The following MAGI2 variants were observed in gnomAD, a reference collection of about 807,000 sequenced individuals.
The protein encoded by MAGI2 is membrane-associated guanylate kinase, WW and PDZ domain-containing protein 2.
Under a neutral mutation model 133.3 loss-of-function variants are expected in MAGI2, and 35 were observed. The ratio of observed to expected loss-of-function variants is 0.26; its 90% CI spans 0.20 to 0.35. The LOEUF is 0.35. Ranked by LOEUF, MAGI2 falls within the 10% of genes least tolerant of loss-of-function variation. MAGI2 has a pLI of 1.00. For synonymous variants in MAGI2, 729 were observed against 710.6 expected (o/e 1.03, Z -0.41); for missense variants, 1,636 against 1,863.4 (o/e 0.88, Z 2.25).
At chr7:78,700,923 TAA>T (rs1353967279) in intron 2 of MAGI2, among the ~76,000 whole-genome samples, 6 of 150,414 alleles carry the variant, frequency 4.0e-5, no homozygotes, top group African/African-American at 1.2e-4. Flanking sequence ...TAAATTTAAA[TAA>T]ATTTAGTATA....
At chr7:78,809,648 T>C (rs1788874762) in intron 2 of MAGI2, among the ~76,000 whole-genome samples, 1 of 152,044 alleles carries the variant, frequency 6.6e-6, no homozygotes, top group African/African-American at 2.4e-5. Flanking sequence ...TTTTTTTTCC[T>C]ATTACTAAAT....
chr7:79,445,796 C>T (rs951109961), intron 1 of MAGI2, among the ~76,000 whole-genome samples: 4 of 152,286 alleles, frequency 2.6e-5, no homozygotes, highest in Non-Finnish European at 4.4e-5. Flanking sequence ...TACCATTTGG[C>T]CCAGCCATCC....
At chr7:78,390,773 C>G (rs995627362) in intron 6 of MAGI2, among the ~76,000 whole-genome samples, 2 of 152,106 alleles carry the variant, frequency 1.3e-5, no homozygotes, top group Admixed American at 1.3e-4. Flanking sequence ...CCTGCCTCAC[C>G]TCAGTTATTT....
At chr7:78,582,844 A>G (rs1299234861) in intron 3 of MAGI2, among the ~76,000 whole-genome samples, 1 of 152,192 alleles carries the variant, frequency 6.6e-6, no homozygotes, top group African/African-American at 2.4e-5. Flanking sequence ...ACCTGATTTA[A>G]TACTTTAGAA....
intron 5 of MAGI2, among the ~76,000 whole-genome samples, chr7:78,494,060 T>A (rs1793869082): frequency 6.6e-6 from 1 of 152,066 alleles, no homozygotes; most frequent in Non-Finnish European, 1.5e-5. Context: ...CACTGCCACC[T>A]CCACCCCCTG....
intron 20 of MAGI2, among the ~76,000 whole-genome samples, chr7:78,119,618 A>G (rs948376298): frequency 2.0e-5 from 3 of 151,726 alleles, no homozygotes; most frequent in African/African-American, 2.4e-5. Context: ...CATACTGTAA[A>G]CTATGGACTC....
At chr7:78,858,463 A>T (rs907772157) in intron 2 of MAGI2, among the ~76,000 whole-genome samples, 2 of 152,032 alleles carry the variant, frequency 1.3e-5, no homozygotes, top group African/African-American at 4.8e-5. Context: ...CTTTGTTCTC[A>T]TTGGTTTCAA....
chr7:78,040,182 C>T (rs1810653421), intron 21 of MAGI2, among the ~76,000 whole-genome samples: 1 of 152,216 alleles, frequency 6.6e-6, no homozygotes, highest in African/African-American at 2.4e-5. Flanking sequence ...TCTTGGGGCG[C>T]CCCTCTGGGG....
intron 2 of MAGI2, among the ~76,000 whole-genome samples, chr7:78,920,031 A>G (rs184416799): frequency 2.8e-4 from 43 of 152,218 alleles, no homozygotes; most frequent in African/African-American, 9.9e-4. Flanking sequence ...ATTGCTTCCA[A>G]CATTGGGCAA....
chr7:78,891,870 T>C (rs566083793), intron 2 of MAGI2, among the ~76,000 whole-genome samples: 20 of 152,286 alleles, frequency 1.3e-4, no homozygotes, highest in African/African-American at 4.3e-4. Flanking sequence ...TGTTGGAAGT[T>C]CTGGCCAGGG....
At chr7:78,136,608 C>G (rs576112867) in intron 16 of MAGI2, among the ~76,000 whole-genome samples, 1 of 152,284 alleles carries the variant, frequency 6.6e-6, no homozygotes, top group Non-Finnish European at 1.5e-5. Flanking sequence ...GAAGCCTATT[C>G]CCTTTCCATT....
Position 78,114,341 on chromosome 7 carries a change from A to G in MAGI2, c.3567+11353T>C, listed in dbSNP as rs1222224795. 7.9e-5 allele frequency among the ~76,000 whole-genome samples: 12 copies of G among 152,336 alleles called. 1 individual carries two copies. The highest frequency in any genetic ancestry group is 2.6e-4 in the African/African-American group (11 of 41,584). ...CTGGAGTCCTCAAACAGATAAACTC[A>G]CCAATGGGTATATAACACTGTTTTA... On this transcript the variant is annotated intron_variant, in intron 20 of 21. Coordinates refer to ENST00000354212, the MANE Select transcript of MAGI2 (RefSeq NM_012301.4).
chr7:78,122,916 A>G (rs992580062), intron 20 of MAGI2, among the ~76,000 whole-genome samples: 5 of 152,130 alleles, frequency 3.3e-5, no homozygotes, highest in Admixed American at 1.3e-4. Context: ...TGTATCAGAG[A>G]TTTTATTCAC....
rs188076770 is a variant in MAGI2 at position 79,120,495 on chromosome 7, T to C, written c.302-113289A>G. On this transcript the variant is annotated intron_variant, in intron 1 of 21. Transcript: ENST00000354212. ...AATCAACTAAAAAACCCTTTACATA[T>C]ACACACACATAAACTAGTCCTTGTA... 1.6e-4 allele frequency among the ~76,000 whole-genome samples: 24 copies of C among 152,162 alleles called. No individual in the cohort carries two copies. In the East Asian group the frequency reaches 2.1e-3, roughly 13 times the overall value.
At chr7:79,371,601 A>G (rs547470781) in intron 1 of MAGI2, among the ~76,000 whole-genome samples, 77 of 152,180 alleles carry the variant, frequency 5.1e-4, no homozygotes, top group Non-Finnish European at 9.3e-4. Context: ...TAGAAACAGT[A>G]GGCTATGTCA....
chr7:79,347,957 A>G (rs906980837), intron 1 of MAGI2, among the ~76,000 whole-genome samples: 1 of 151,936 alleles, frequency 6.6e-6, no homozygotes, highest in Non-Finnish European at 1.5e-5. Context: ...TTGACAACAA[A>G]TTATCCTTAG....
In MAGI2 at chr7:78,487,052, G is replaced by C. The variant is rs531053430; in HGVS notation, c.1045+2709C>G. Reference sequence around the variant, plus strand: ...AACGAAGGACCAATACACTGAGGCAGGGCAGAGGGACTTTTGATAGGCTAC... The same window carrying C: ...AACGAAGGACCAATACACTGAGGCACGGCAGAGGGACTTTTGATAGGCTAC... On this transcript the variant is annotated intron_variant, in intron 6 of 21. Coordinates refer to ENST00000354212, the MANE Select transcript of MAGI2 (RefSeq NM_012301.4). 1.5e-4 allele frequency: 74 copies of C among 478,686 alleles called. 4 individuals are homozygous for C. Among genetic ancestry groups the C allele is most frequent in the South Asian group, 1.1e-3 (68 of 63,734 alleles). 29.7% of individuals were successfully genotyped at this position (478,686 alleles called of 1,614,324 possible).
intron 2 of MAGI2, among the ~76,000 whole-genome samples, chr7:78,719,129 T>C (rs969458417): frequency 2.0e-5 from 3 of 152,222 alleles, no homozygotes; most frequent in African/African-American, 7.2e-5. Context: ...TCCAACATTC[T>C]GGAGAGCCAG....
chr7:78,653,646 C>T (rs1245116751), intron 2 of MAGI2, among the ~76,000 whole-genome samples: 1 of 150,916 alleles, frequency 6.6e-6, no homozygotes, highest in Non-Finnish European at 1.5e-5. Flanking sequence ...GGTTTGGGGG[C>T]TAGGGGAGGG....
Sources: allele counts gnomAD v4.1 joint callset (sites outside exome capture counted in the v4.1 genomes callset), GRCh38; gene constraint gnomAD v4.1.1; transcripts MANE v1.5; gene names NCBI Gene and HGNC (gene_info 2026-07-23, HGNC 2026-07-21).